The following CHN2 variants were observed in gnomAD, a reference collection of about 807,000 sequenced individuals.
CHN2 encodes the protein chimerin 2.
CHN2 carries 35 observed loss-of-function variants against 56.3 expected under a neutral mutation model. The observed-to-expected ratio is 0.62, with a 90% CI of 0.47 to 0.82. The LOEUF (loss-of-function observed/expected upper bound fraction) is 0.82, where lower values mean the gene tolerates loss of function less well. CHN2 is among the 40% of genes least tolerant of loss of function. CHN2 has a pLI of 0.00. For missense variants in CHN2, 491 were observed against 580.5 expected, an observed-to-expected ratio of 0.85 and a Z score of 1.58; for synonymous variants, 210 against 212.8, an observed-to-expected ratio of 0.99 and a Z score of 0.12.
intron 2 of CHN2, among the ~76,000 whole-genome samples, chr7:29,363,586 G>A (rs1048698991): frequency 2.0e-5 from 3 of 152,150 alleles, no homozygotes; most frequent in Non-Finnish European, 4.4e-5. Context: ...CCCTCAAAGA[G>A]CTTACATTTT....
intron 1 of CHN2, among the ~76,000 whole-genome samples, chr7:29,296,441 T>C (rs1471178153): frequency 6.6e-6 from 1 of 152,248 alleles, no homozygotes; most frequent in Non-Finnish European, 1.5e-5. Context: ...AAGCATATGC[T>C]AAAATGCTGT....
intron 3 of CHN2, among the ~76,000 whole-genome samples, chr7:29,384,435 C>T (rs1800770043): frequency 6.6e-6 from 1 of 152,090 alleles, no homozygotes; most frequent in Non-Finnish European, 1.5e-5. Flanking sequence ...ATGACAGTCT[C>T]CATGTGACTT....
chr7:29,280,873 G>A (rs1791651699), intron 1 of CHN2, among the ~76,000 whole-genome samples: 1 of 152,164 alleles, frequency 6.6e-6, no homozygotes, highest in South Asian at 2.1e-4. Context: ...GAGGCAGGTG[G>A]ATCACCTGAG....
At chr7:29,351,403 T>A (rs1426043488) in intron 1 of CHN2, among the ~76,000 whole-genome samples, 2 of 152,246 alleles carry the variant, frequency 1.3e-5, no homozygotes, top group Non-Finnish European at 2.9e-5. Context: ...GCAAAATTCT[T>A]GCTTTTATGG....
chr7:29,501,526 T>G (rs1396477463), intron 9 of CHN2, among the ~76,000 whole-genome samples: 1 of 152,150 alleles, frequency 6.6e-6, no homozygotes, highest in Non-Finnish European at 1.5e-5. Flanking sequence ...AACTGATAAT[T>G]CAGGCATGAT....
At chr7:29,200,830 G>A (rs148611153) in intron 1 of CHN2, 86 of 152,240 alleles carry the variant, frequency 5.6e-4, no homozygotes, top group Middle Eastern at 3.4e-3. Context: ...CTATAGGTAG[G>A]GTGCTCTGCA....
At chr7:29,195,085 A>G (rs749946075) in intron 1 of CHN2, 95 bp downstream of exon 1, 66 of 1,346,528 alleles carry the variant, frequency 4.9e-5, no homozygotes, top group Non-Finnish European at 6.7e-5. Flanking sequence ...ACCTGTGGCC[A>G]TCCCGCCCGC....
chr7:29,473,469 T>TG lies in CHN2; in HGVS notation c.577-6809dup, dbSNP rs1429706596. ...TGGGGTGTTTGTGTGTGTGTGTTTG[T>TG]GTTTTTTTTTTTTTGTGTGTGTGTG... On this transcript the variant is annotated intron_variant, in intron 6 of 12. Coordinates refer to ENST00000222792, the MANE Select transcript of CHN2 (RefSeq NM_004067.4). Among the ~76,000 whole-genome samples the TG allele has an allele frequency of 8.3e-5, 7 of 84,570 alleles. No homozygotes were observed. The East Asian group carries it at 2.5e-3, about 30-fold the overall frequency. 55.5% of individuals were successfully genotyped at this position (84,570 alleles called of 152,430 possible).
intron 4 of CHN2, chr7:29,398,070 G>C (rs960938022): frequency 9.4e-6 from 2 of 211,948 alleles, no homozygotes; most frequent in East Asian, 1.0e-4. Context: ...GGGGGGGGGG[G>C]GCGGTGGTTG....
At chr7:29,457,944 C>A (rs1463897735) in intron 6 of CHN2, among the ~76,000 whole-genome samples, 1 of 152,132 alleles carries the variant, frequency 6.6e-6, no homozygotes, top group Non-Finnish European at 1.5e-5. Context: ...TGAATTAGCA[C>A]ATATTTTTAA....
At chr7:29,214,482 G>C (rs1341516166) in intron 1 of CHN2, among the ~76,000 whole-genome samples, 2 of 152,138 alleles carry the variant, frequency 1.3e-5, no homozygotes, top group African/African-American at 2.4e-5. Context: ...TTGACAGGAG[G>C]CTTCAAGTTA....
intron 7 of CHN2, among the ~76,000 whole-genome samples, chr7:29,493,481 C>T (rs999020652): frequency 6.6e-6 from 1 of 152,132 alleles, no homozygotes; most frequent in Admixed American, 6.5e-5. Flanking sequence ...CTCCTCTGAC[C>T]TCTCAAACTA....
intron 2 of CHN2, among the ~76,000 whole-genome samples, chr7:29,169,937 C>T (rs891016722): frequency 6.6e-6 from 1 of 151,626 alleles, no homozygotes; most frequent in Non-Finnish European, 1.5e-5. Flanking sequence ...GGTGCAGTGG[C>T]GCCATCATAG....
intron 1 of CHN2, among the ~76,000 whole-genome samples, chr7:29,254,358 A>G (rs909496194): frequency 1.3e-5 from 2 of 152,380 alleles, no homozygotes; most frequent in Non-Finnish European, 2.9e-5. Context: ...GCTAGTCTAT[A>G]AAGCTGATAT....
intron 7 of CHN2, among the ~76,000 whole-genome samples, chr7:29,483,520 A>C (rs1296944756): frequency 2.0e-5 from 3 of 152,218 alleles, no homozygotes; most frequent in Non-Finnish European, 2.9e-5. Flanking sequence ...TCCTAGGGTT[A>C]CTTGTACCTA....
At chr7:29,340,403 G>A (rs549326738) in intron 1 of CHN2, among the ~76,000 whole-genome samples, 6 of 151,636 alleles carry the variant, frequency 4.0e-5, no homozygotes, top group Admixed American at 2.0e-4. Context: ...GTTGCTTGGG[G>A]GGGGGCCTCA....
intron 8 of CHN2, among the ~76,000 whole-genome samples, chr7:29,498,454 G>T (rs2128573966): frequency 6.6e-6 from 1 of 151,902 alleles, no homozygotes; most frequent in East Asian, 1.9e-4. Context: ...AACTGTTTTT[G>T]TTTTTTTTAT....
At chr7:29,323,836 AAAT>A (rs1795562333) in intron 1 of CHN2, among the ~76,000 whole-genome samples, 1 of 26,932 alleles carries the variant, frequency 3.7e-5, no homozygotes, top group African/African-American at 2.1e-4. Flanking sequence ...TTTCTACTAA[AAAT>A]ACAGATACAG....
intron 3 of CHN2, among the ~76,000 whole-genome samples, chr7:29,380,298 C>CCTTACTAT (rs1425178254): frequency 6.6e-6 from 1 of 151,664 alleles, no homozygotes; most frequent in African/African-American, 2.4e-5. Flanking sequence ...AAAAAAAAAC[C>CCTTACTAT]CTTACTATTT....
Sources: allele counts gnomAD v4.1 joint callset (sites outside exome capture counted in the v4.1 genomes callset), GRCh38; gene constraint gnomAD v4.1.1; transcripts MANE v1.5; gene names NCBI Gene and HGNC (gene_info 2026-07-23, HGNC 2026-07-21).